Variants in DDX60L observed in about 807,000 individuals in gnomAD.
The protein encoded by DDX60L is probable ATP-dependent RNA helicase DDX60-like.
DDX60L carries 191 observed loss-of-function variants against 211.6 expected under a neutral mutation model. That is an observed-to-expected ratio of 0.90 (90% CI 0.80 to 1.02). The LOEUF is 1.02. Ranked by LOEUF, DDX60L falls within the 50% of genes least tolerant of loss-of-function variation. The probability of loss-of-function intolerance (pLI) is 0.00; values close to 1 mark genes in which losing one functional copy is unlikely to be tolerated. For missense variants in DDX60L, 2,007 were observed against 1,984.1 expected (o/e 1.01, Z -0.22); for synonymous variants, 706 against 694.1 (o/e 1.02, Z -0.27).
chr4:168,431,591 T>C (rs543912712), intron 12 of DDX60L, among the ~76,000 whole-genome samples: 9 of 150,348 alleles, frequency 6.0e-5, no homozygotes, highest in South Asian at 4.3e-4. Context: ...TTAAGAGATA[T>C]ACCTAATGCT....
chr4:168,362,838 A>G (rs1255350001), intron 36 of DDX60L, among the ~76,000 whole-genome samples: 3 of 152,216 alleles, frequency 2.0e-5, no homozygotes, highest in Admixed American at 2.0e-4. Flanking sequence ...CCATTAAATG[A>G]ACAAATATTC....
intron 25 of DDX60L, among the ~76,000 whole-genome samples, chr4:168,402,196 C>T (rs1249032275): frequency 6.7e-6 from 1 of 148,474 alleles, no homozygotes; most frequent in African/African-American, 2.5e-5. Context: ...GGTGCACTCG[C>T]AGCTCACTGA....
chr4:168,408,552 T>A (rs897677072), intron 22 of DDX60L, among the ~76,000 whole-genome samples: 3 of 152,198 alleles, frequency 2.0e-5, no homozygotes, highest in Non-Finnish European at 2.9e-5. Context: ...ATTATATGGT[T>A]GTATCGGTTT....
Position 168,448,689 on chromosome 4 carries a change from C to T in DDX60L, c.1087G>A (p.Glu363Lys), listed in dbSNP as rs1197836938. 6 of 1,598,190 alleles carry T rather than the reference C, an allele frequency of 3.8e-6. No individual in the cohort carries two copies. The highest frequency in any genetic ancestry group is 2.2e-5 in the East Asian group (1 of 44,634). The part of the protein sequence containing the change: ...NLNHVSDLYD[E>K]QLLKNIAFYY... ...AAGGCTATATTCTTTAACAATTGCT[C>T]ATCATACAAGTCAGAAACATGATTT... Residue 363 changes from glutamate to lysine, a missense_variant, in exon 9 of 38, where the codon GAG becomes AAG. Coordinates refer to ENST00000682922, the MANE Select transcript of DDX60L (RefSeq NM_001012967.3).
At chr4:168,396,943 T>C (rs1745909648) in intron 26 of DDX60L, among the ~76,000 whole-genome samples, 1 of 152,208 alleles carries the variant, frequency 6.6e-6, no homozygotes, top group African/African-American at 2.4e-5. Flanking sequence ...ATTCATATGT[T>C]GAAATCCTAA....
At chr4:168,432,215 C>A (rs1172438536) in intron 12 of DDX60L, among the ~76,000 whole-genome samples, 1 of 149,016 alleles carries the variant, frequency 6.7e-6, no homozygotes, top group African/African-American at 2.5e-5. Flanking sequence ...TCCTACTGTG[C>A]CTCTTCAATT....
At position 168,420,256 on chromosome 4, in the gene DDX60L, C is replaced by A; in HGVS notation, c.2514+5G>T. Reference sequence around the variant, plus strand: ...ATAATAAACTCATTAATTAATATGTCATACCTGACAGTTTAGTACATTGTG... The same window carrying A: ...ATAATAAACTCATTAATTAATATGTAATACCTGACAGTTTAGTACATTGTG... On this transcript the variant is annotated splice_donor_5th_base_variant and intron_variant, in intron 18 of 37. Transcript: ENST00000682922. The A allele has an allele frequency of 6.3e-7, 1 of 1,576,772 alleles. No individual in the cohort carries two copies. The highest frequency in any genetic ancestry group is 1.2e-5 in the South Asian group (1 of 85,086).
At chr4:168,400,682 C>A in intron 26 of DDX60L, 144 bp downstream of exon 26, 1 of 656,486 alleles carries the variant, frequency 1.5e-6, no homozygotes, top group Non-Finnish European at 2.5e-6. Flanking sequence ...CCCATCCTCC[C>A]ACCCAAATTT....
At chr4:168,403,879 G>A (rs1414820912) in intron 25 of DDX60L, 103 bp downstream of exon 25, 4 of 545,552 alleles carry the variant, frequency 7.3e-6, no homozygotes, top group Non-Finnish European at 1.1e-5. Flanking sequence ...GGTAAAAGTA[G>A]GGTTACTTCT....
At position 168,419,303 on chromosome 4, in the gene DDX60L, T is replaced by G; in HGVS notation, c.2609A>C (p.Glu870Ala). Residue 870 changes from glutamate to alanine, a missense_variant and splice_region_variant, in exon 19 of 38, where the codon GAG becomes GCG. Glu to Ala is a moderately radical substitution (Grantham distance 107). Transcript: ENST00000682922. ...CCAGAGAACTAACACCAAACCTACC[T>G]CATCAAATATAACATATCTGATCCT... The part of the protein sequence containing the change: ...VERIRYVIFD[E>A]VHYLGREVGA... 1 of 1,585,862 alleles carries G rather than the reference T, an allele frequency of 6.3e-7. No homozygotes were observed.
intron 36 of DDX60L, among the ~76,000 whole-genome samples, chr4:168,361,753 A>G (rs974966161): frequency 6.6e-6 from 1 of 152,200 alleles, no homozygotes; most frequent in African/African-American, 2.4e-5. Context: ...CGGTTTCCAC[A>G]GCCATCACAG....
chr4:168,442,044 G>A (rs561625938), intron 9 of DDX60L, among the ~76,000 whole-genome samples: 52 of 152,244 alleles, frequency 3.4e-4, no homozygotes, highest in South Asian at 1.2e-3. Context: ...AGCTCCCAGC[G>A]TGAGCAACGC....
rs55786043 is a variant in DDX60L, at chr4:168,422,969, T to TGTGTGTG, written c.2098-300_2098-299insCACACAC. 6.2e-3 allele frequency among the ~76,000 whole-genome samples: 831 copies of TGTGTGTG among 133,038 alleles called. 3 individuals are homozygous for TGTGTGTG. The highest frequency in any genetic ancestry group is 9.5e-3 in the Non-Finnish European group (611 of 64,148). 87.3% of individuals were successfully genotyped at this position (133,038 alleles called of 152,430 possible). A position where few individuals can be genotyped will look rare whatever the true frequency, so the allele number is the denominator to read the frequency against. On this transcript the variant is annotated intron_variant, in intron 15 of 37. Transcript: ENST00000682922. Reference sequence around the variant, plus strand: ...CACATGCTATCAATTGTGGCTAATATTGTGTGTGTGTGTGTGTGTGTGTGT... The same window carrying TGTGTGTG: ...CACATGCTATCAATTGTGGCTAATATGTGTGTGTGTGTGTGTGTGTGTGTGTGTGTGT...
intron 36 of DDX60L, among the ~76,000 whole-genome samples, chr4:168,367,725 T>C (rs1579181427): frequency 6.6e-6 from 1 of 152,164 alleles, no homozygotes; most frequent in African/African-American, 2.4e-5. Context: ...AAAATGCTGA[T>C]AGCAATATGG....
At chr4:168,465,948 C>T (rs1175830452) in intron 4 of DDX60L, among the ~76,000 whole-genome samples, 1 of 151,822 alleles carries the variant, frequency 6.6e-6, no homozygotes, top group East Asian at 1.9e-4. Context: ...GCTTTTAAAA[C>T]AACAAATTTC....
At chr4:168,412,978 C>G (rs1748947502) in intron 22 of DDX60L, among the ~76,000 whole-genome samples, 2 of 152,218 alleles carry the variant, frequency 1.3e-5, no homozygotes, top group Admixed American at 1.3e-4. Flanking sequence ...TTGGGGTGCC[C>G]CCCAGTGCAG....
In DDX60L at chr4:168,464,776, C is replaced by T. The variant is rs530824153; in HGVS notation, c.265-2736G>A. ...TAAATTACTGTTAATTATATCCACC[C>T]TATGGTGCAATAATGTCCTCCAAGA... On this transcript the variant is annotated intron_variant, in intron 4 of 37. Transcript: ENST00000682922. Among the ~76,000 whole-genome samples the T allele has an allele frequency of 7.1e-4, 108 of 152,162 alleles. 1 individual carries two copies. Among genetic ancestry groups the T allele is most frequent in the Middle Eastern group, 3.4e-3 (1 of 294 alleles).
Position 168,439,435 on chromosome 4 carries a change from G to T in DDX60L, c.1294+1902C>A, listed in dbSNP as rs781753365. 7.2e-5 allele frequency among the ~76,000 whole-genome samples: 11 copies of T among 151,984 alleles called. 1 individual carries two copies. Among genetic ancestry groups the T allele is most frequent in the Non-Finnish European group, 1.5e-4 (10 of 68,006 alleles). On this transcript the variant is annotated intron_variant, in intron 10 of 37. Transcript: ENST00000682922. ...CTGCAACTTCAGCTCATGCCCCAAA[G>T]CTCCACCCTCCCCTTCCTTAAGACC...
chr4:168,372,034 G>T (rs1480621520), intron 35 of DDX60L, among the ~76,000 whole-genome samples: 1 of 151,888 alleles, frequency 6.6e-6, no homozygotes, highest in African/African-American at 2.4e-5. Context: ...AACTCTCAAA[G>T]CATACTGAAG....
Sources: allele counts gnomAD v4.1 joint callset (sites outside exome capture counted in the v4.1 genomes callset), GRCh38; gene constraint gnomAD v4.1.1; transcripts MANE v1.5; gene names NCBI Gene and HGNC (gene_info 2026-07-23, HGNC 2026-07-21).